ZFP36L2: variants seen among roughly 807,000 people sequenced by gnomAD.
ZFP36L2 encodes ZFP36 like 2 zinc finger CCCH-type.
In ZFP36L2, 16 loss-of-function variants were observed where a neutral mutation model predicts 27.9. That is an observed-to-expected ratio of 0.57 (90% CI 0.39 to 0.87). The LOEUF (loss-of-function observed/expected upper bound fraction) is 0.87, where lower values mean the gene tolerates loss of function less well. Ranked by LOEUF, ZFP36L2 falls within the 40% of genes least tolerant of loss-of-function variation. The pLI is 0.00. For synonymous variants in ZFP36L2, 600 were observed against 363.8 expected (o/e 1.65, Z -7.39); for missense variants, 989 against 726.9 (o/e 1.36, Z -4.15).
Position 43,226,484 on chromosome 2 carries a change from G to C in ZFP36L2, c.-169C>G. ...GGCGAGTGCAGCGGCGCGGGCCGGC[G>C]GGAGGGTCCGGCGGAGTGCGGCAGG... is the stretch of plus-strand genomic sequence containing the variant. On this transcript the variant is annotated 5_prime_UTR_variant, in exon 1 of 2. Coordinates refer to ENST00000282388, the MANE Select transcript of ZFP36L2 (RefSeq NM_006887.5). 1.2e-6 allele frequency: 1 copy of C among 819,898 alleles called. No individual in the cohort carries two copies. The highest frequency in any genetic ancestry group is 1.6e-5 in the South Asian group (1 of 62,630). 50.8% of individuals were successfully genotyped at this position (819,898 alleles called of 1,614,324 possible). A position where few individuals can be genotyped will look rare whatever the true frequency, so the allele number is the denominator to read the frequency against.
In ZFP36L2 at chr2:43,223,112, GAA is replaced by G. The variant is rs940871242; in HGVS notation, c.*1205_*1206del. 1.3e-5 allele frequency: 2 copies of G among 152,256 alleles called. No individual in the cohort carries two copies. Among genetic ancestry groups the G allele is most frequent in the African/African-American group, 4.8e-5 (2 of 41,398 alleles). The allele number at this position is 152,256 out of a possible 1,614,324, so 9.4% of individuals were successfully genotyped here. On this transcript the variant is annotated 3_prime_UTR_variant, in exon 2 of 2. Transcript: ENST00000282388. Reference sequence around the variant, plus strand: ...GGGCTACAACCTTTATACATTCTAAGAAAACTCATAGGATGTTCCTCAAACTA... The same window carrying G: ...GGGCTACAACCTTTATACATTCTAAGAACTCATAGGATGTTCCTCAAACTA...
Position 43,226,377 on chromosome 2 carries a change from G to T in ZFP36L2, c.-62C>A, listed in dbSNP as rs1667105993. 1.3e-6 allele frequency: 2 copies of T among 1,547,020 alleles called. No homozygotes were observed. The highest frequency in any genetic ancestry group is 1.7e-6 in the Non-Finnish European group (2 of 1,143,074). On this transcript the variant is annotated 5_prime_UTR_variant, in exon 1 of 2. Transcript: ENST00000282388. ...GGAGGTCGGGAGGAGCCCTTGGGGCGGCGTGGCCGGGCTTGAGCCACGACG... is the reference window on the plus strand; with the variant it reads ...GGAGGTCGGGAGGAGCCCTTGGGGCTGCGTGGCCGGGCTTGAGCCACGACG...
intron 1 of ZFP36L2, 124 bp from the exon 2 acceptor site, chr2:43,225,876 C>G: frequency 9.5e-7 from 1 of 1,055,340 alleles, no homozygotes; most frequent in Non-Finnish European, 1.3e-6. Context: ...TGGCGGATCC[C>G]GACTCGGCCT....
In ZFP36L2 at chr2:43,224,806, A is replaced by C; in HGVS notation, c.998T>G (p.Leu333Arg). ...ASAAAAAAAA[L>R]LYGTGGAEDL... ...CTCGGCGCCCCCGGTGCCGTACAGCAGAGCGGCCGCAGCCGCGGCCGCCGC... is the reference window on the plus strand; with the variant it reads ...CTCGGCGCCCCCGGTGCCGTACAGCCGAGCGGCCGCAGCCGCGGCCGCCGC... The change falls in exon 2 of 2, where the codon CTG becomes CGG. Residue 333 changes from leucine to arginine, a missense_variant. Transcript: ENST00000282388. The C allele has an allele frequency of 7.0e-7, 1 of 1,428,196 alleles. No homozygotes were observed. The highest frequency in any genetic ancestry group is 9.1e-7 in the Non-Finnish European group (1 of 1,104,464). The allele number at this position is 1,428,196 out of a possible 1,614,324, so 88.5% of individuals were successfully genotyped here.
chr2:43,222,915 C>G lies in ZFP36L2; in HGVS notation c.*1404G>C, dbSNP rs1289523901. 1 of 151,284 alleles carries G rather than the reference C, an allele frequency of 6.6e-6. No homozygotes were observed. The highest frequency in any genetic ancestry group is 1.5e-5 in the Non-Finnish European group (1 of 67,502). The allele number at this position is 151,284 out of a possible 1,614,324, so 9.4% of individuals were successfully genotyped here. A position where few individuals can be genotyped will look rare whatever the true frequency, so the allele number is the denominator to read the frequency against. ...GCCCTTCCAAAGGCACTGTGAGACT[C>G]CCCCCCCACTCCCCGTTATTGCTAC... On this transcript the variant is annotated 3_prime_UTR_variant, in exon 2 of 2. Coordinates refer to ENST00000282388, the MANE Select transcript of ZFP36L2 (RefSeq NM_006887.5).
rs374137323 is a variant in ZFP36L2 at position 43,224,649 on chromosome 2, G to C, written c.1155C>G (p.Ala385=). ...TGCGGTAGTAGGCGGCGGCGGCCAC[G>C]GCGGCAAAGTTGTGGGTCTGGATGG... ...PLAIQTHNFA[A]VAAAAYYRSQ... Residue 385 remains alanine, a synonymous_variant, in exon 2 of 2, where the codon GCC becomes GCG. Coordinates refer to ENST00000282388, the MANE Select transcript of ZFP36L2 (RefSeq NM_006887.5). 109 of 1,510,320 alleles carry C rather than the reference G, an allele frequency of 7.2e-5. 1 individual carries two copies. In the South Asian group the frequency reaches 1.2e-3, roughly 16 times the overall value. The allele number at this position is 1,510,320 out of a possible 1,614,324, so 93.6% of individuals were successfully genotyped here.
rs1243383522 is a variant in ZFP36L2, at chr2:43,224,129, C to T, written c.*190G>A. 3 of 436,610 alleles carry T rather than the reference C, an allele frequency of 6.9e-6. No individual in the cohort carries two copies. Among genetic ancestry groups the T allele is most frequent in the Non-Finnish European group, 1.2e-5 (3 of 260,312 alleles). The allele number at this position is 436,610 out of a possible 1,614,324, so 27.0% of individuals were successfully genotyped here. A position where few individuals can be genotyped will look rare whatever the true frequency, so the allele number is the denominator to read the frequency against. On this transcript the variant is annotated 3_prime_UTR_variant, in exon 2 of 2. Coordinates refer to ENST00000282388, the MANE Select transcript of ZFP36L2 (RefSeq NM_006887.5). ...ATAAAAAAAAAAAGACAAGAGGAAA[C>T]CGAAAAAGGAGGGGTGGGGGCCCCT...
rs762722464 is a variant in ZFP36L2 at position 43,224,481 on chromosome 2, G to C, written c.1323C>G (p.Pro441=). The C allele has an allele frequency of 1.1e-4, 167 of 1,501,492 alleles. No individual in the cohort carries two copies. The highest frequency in any genetic ancestry group is 7.2e-4 in the South Asian group (59 of 81,588). 93.0% of individuals were successfully genotyped at this position (1,501,492 alleles called of 1,614,324 possible). A position where few individuals can be genotyped will look rare whatever the true frequency, so the allele number is the denominator to read the frequency against. The change falls in exon 2 of 2, where the codon CCC becomes CCG. Residue 441 remains proline, a synonymous_variant. Transcript: ENST00000282388. ...FQLPRRLSDS[P]VFDAPPSPPD... ...GGGGGCTGGGGGGCGCGTCGAACAC[G>C]GGCGAGTCGGACAGGCGGCGCGGCA...
Position 43,222,922 on chromosome 2 carries a change from CA to C in ZFP36L2, c.*1396del. The C allele has an allele frequency of 6.6e-6, 1 of 152,384 alleles. No individual in the cohort carries two copies. Among genetic ancestry groups the C allele is most frequent in the East Asian group, 1.9e-4 (1 of 5,326 alleles). 9.4% of individuals were successfully genotyped at this position (152,384 alleles called of 1,614,324 possible). On this transcript the variant is annotated 3_prime_UTR_variant, in exon 2 of 2. Transcript: ENST00000282388. ...CAAAGGCACTGTGAGACTCCCCCCCCACTCCCCGTTATTGCTACATGTCTTT... is the reference window on the plus strand; with the variant it reads ...CAAAGGCACTGTGAGACTCCCCCCCCCTCCCCGTTATTGCTACATGTCTTT...
rs370028799 is a variant in ZFP36L2 at position 43,225,438 on chromosome 2, G to C, written c.366C>G (p.Arg122=). The C allele has an allele frequency of 1.6e-5, 26 of 1,613,094 alleles. No homozygotes were observed. The highest frequency in any genetic ancestry group is 2.2e-5 in the Non-Finnish European group (26 of 1,179,782). The change falls in exon 2 of 2, where the codon CGC becomes CGG. Residue 122 remains arginine (R), a synonymous_variant. Coordinates refer to ENST00000282388, the MANE Select transcript of ZFP36L2 (RefSeq NM_006887.5). The stretch of plus-strand genomic sequence containing the variant: ...TGCGATCGCCGTTCTCGCTAAACGA[G>C]CGGTCCCGGAATTTGTTCTCCTTGT... ...LLNKENKFRD[R]SFSENGDRSQ...
Position 43,224,228 on chromosome 2 carries a change from T to A in ZFP36L2, c.*91A>T. ...CTAGGGCCCATGTCACCCCCCCCAC[T>A]CCCGTGCCCCCAGCAAGGGCGAGAT... On this transcript the variant is annotated 3_prime_UTR_variant, in exon 2 of 2. Transcript: ENST00000282388. 2 of 1,335,036 alleles carry A rather than the reference T, an allele frequency of 1.5e-6. No homozygotes were observed. The highest frequency in any genetic ancestry group is 2.0e-6 in the Non-Finnish European group (2 of 1,020,120). The allele number at this position is 1,335,036 out of a possible 1,614,324, so 82.7% of individuals were successfully genotyped here.
chr2:43,225,591 G>C lies in ZFP36L2; in HGVS notation c.213C>G (p.Pro71=), dbSNP rs770593136. Residue 71 remains proline, a synonymous_variant, in exon 2 of 2, where the codon CCC becomes CCG. Coordinates refer to ENST00000282388, the MANE Select transcript of ZFP36L2 (RefSeq NM_006887.5). ...LHALAHPAPS[P]GSCSPKFPGA... Reference sequence around the variant, plus strand: ...CCGGGAACTTGGGCGAGCAGCTGCCGGGGCTGGGCGCGGGGTGGGCGAGTG... The same window carrying C: ...CCGGGAACTTGGGCGAGCAGCTGCCCGGGCTGGGCGCGGGGTGGGCGAGTG... 3 of 1,558,770 alleles carry C rather than the reference G, an allele frequency of 1.9e-6. No individual in the cohort carries two copies. The highest frequency in any genetic ancestry group is 1.1e-5 in the South Asian group (1 of 87,354).
chr2:43,225,621 C>CA lies in ZFP36L2; in HGVS notation c.182dup (p.His62AlafsTer22). 2 of 1,565,728 alleles carry CA rather than the reference C, an allele frequency of 1.3e-6. No individual in the cohort carries two copies. Among genetic ancestry groups the CA allele is most frequent in the Non-Finnish European group, 1.7e-6 (2 of 1,163,388 alleles). On this transcript the variant is annotated frameshift_variant, in exon 2 of 2. Coordinates refer to ENST00000282388, the MANE Select transcript of ZFP36L2 (RefSeq NM_006887.5). LOFTEE classifies it high-confidence loss of function. The stretch of plus-strand genomic sequence containing the variant: ...TGGGCGCGGGGTGGGCGAGTGCATG[C>CA]AGGTTGCTGGCCGAGTGCCGTCGGA...
At position 43,225,375 on chromosome 2, in the gene ZFP36L2, C is replaced by A; in HGVS notation, c.429G>T (p.Gly143=). ...TGGAGTTGATCTGGGAGCCGCCGCCCCCCTTCTGCTGCTGCTGCAGGTGCA... is the reference window on the plus strand; with the variant it reads ...TGGAGTTGATCTGGGAGCCGCCGCCACCCTTCTGCTGCTGCTGCAGGTGCA... ...HLLHLQQQQK[G]GGGSQINSTR... The change falls in exon 2 of 2, where the codon GGG becomes GGT. Residue 143 remains glycine (G), a synonymous_variant. Coordinates refer to ENST00000282388, the MANE Select transcript of ZFP36L2 (RefSeq NM_006887.5). The A allele has an allele frequency of 6.2e-7, 1 of 1,613,698 alleles. No homozygotes were observed. The highest frequency in any genetic ancestry group is 8.5e-7 in the Non-Finnish European group (1 of 1,179,976).
Position 43,225,393 on chromosome 2 carries a change from C to CAGGT in ZFP36L2, c.407_410dup (p.Gln138ProfsTer337). 6.2e-7 allele frequency: 1 copy of CAGGT among 1,613,370 alleles called. No individual in the cohort carries two copies. The highest frequency in any genetic ancestry group is 8.5e-7 in the Non-Finnish European group (1 of 1,179,870). On this transcript the variant is annotated frameshift_variant, in exon 2 of 2. Transcript: ENST00000282388. LOFTEE classifies it high-confidence loss of function. Reference sequence around the variant, plus strand: ...CGCCGCCCCCCTTCTGCTGCTGCTGCAGGTGCAGGAGGTGCTGGCTGCGAT... The same window carrying CAGGT: ...CGCCGCCCCCCTTCTGCTGCTGCTGCAGGTAGGTGCAGGAGGTGCTGGCTGCGAT...
rs1667004617 is a variant in ZFP36L2 at position 43,223,184 on chromosome 2, CT to C, written c.*1134del. 1 of 152,136 alleles carries C rather than the reference CT, an allele frequency of 6.6e-6. No individual in the cohort carries two copies. Among genetic ancestry groups the C allele is most frequent in the African/African-American group, 2.4e-5 (1 of 41,396 alleles). 9.4% of individuals were successfully genotyped at this position (152,136 alleles called of 1,614,324 possible). On this transcript the variant is annotated 3_prime_UTR_variant, in exon 2 of 2. Coordinates refer to ENST00000282388, the MANE Select transcript of ZFP36L2 (RefSeq NM_006887.5). ...GATTTCTGTCAAGAAATCATGCAAT[CT>C]TTCAAAATTTACGTAAACAAGGAAA...
Position 43,225,898 on chromosome 2 carries a change from C to T in ZFP36L2, c.52-146G>A, listed in dbSNP as rs564500294. The T allele has an allele frequency of 6.9e-6, 6 of 869,594 alleles. No homozygotes were observed. The South Asian group carries it at 8.9e-5, about 13-fold the overall frequency. 53.9% of individuals were successfully genotyped at this position (869,594 alleles called of 1,614,324 possible). ...TCCCGACTCGGCCTCCACCCTCCAC[C>T]TATACACGCGCAAAACCAGCAAGAT... On this transcript the variant is annotated intron_variant, in intron 1 of 1. Transcript: ENST00000282388.
rs1305218468 is a variant in ZFP36L2 at position 43,225,409 on chromosome 2, T to C, written c.395A>G (p.Gln132Arg). ...RSFSENGDRSQHLLHLQQQQK... is the reference protein window; with the variant it reads ...RSFSENGDRSRHLLHLQQQQK... ...CTGCTGCTGCAGGTGCAGGAGGTGC[T>C]GGCTGCGATCGCCGTTCTCGCTAAA... The change falls in exon 2 of 2, where the codon CAG becomes CGG. Residue 132 changes from glutamine (Q) to arginine (R), a missense_variant. Physicochemically the swap from Gln to Arg is conservative, Grantham distance 43 (BLOSUM62 1). Transcript: ENST00000282388. 1.9e-6 allele frequency: 3 copies of C among 1,613,540 alleles called. No individual in the cohort carries two copies. Among genetic ancestry groups the C allele is most frequent in the Non-Finnish European group, 2.5e-6 (3 of 1,179,906 alleles).
At position 43,226,519 on chromosome 2, in the gene ZFP36L2, G is replaced by A. The variant is rs1037280129; in HGVS notation, c.-204C>T. ...GGCGGAGTGCGGCAGGGGGGAAGGA[G>A]AGAAGCGAGGAGCGCTCCTCCGCGC... On this transcript the variant is annotated 5_prime_UTR_variant, in exon 1 of 2. Coordinates refer to ENST00000282388, the MANE Select transcript of ZFP36L2 (RefSeq NM_006887.5). 27 of 581,750 alleles carry A rather than the reference G, an allele frequency of 4.6e-5. No homozygotes were observed. The highest frequency in any genetic ancestry group is 4.6e-4 in the Admixed American group (12 of 26,236). The allele number at this position is 581,750 out of a possible 1,614,324, so 36.0% of individuals were successfully genotyped here.
Sources: allele counts gnomAD v4.1 joint callset, GRCh38; gene constraint gnomAD v4.1.1; transcripts MANE v1.5; gene names NCBI Gene and HGNC (gene_info 2026-07-23, HGNC 2026-07-21).